CNTN4: variants seen among roughly 807,000 people sequenced by gnomAD.
CNTN4 encodes contactin-4.
A neutral mutation model predicts 122.5 loss-of-function variants in CNTN4; 77 were observed. The ratio of observed to expected loss-of-function variants is 0.63; its 90% CI spans 0.52 to 0.76. The LOEUF (loss-of-function observed/expected upper bound fraction) is 0.76, where lower values mean the gene tolerates loss of function less well. CNTN4 is among the 30% of genes least tolerant of loss of function. The pLI is 0.00. For missense variants in CNTN4, 1,256 were observed against 1,259.1 expected (o/e 1.00, Z 0.04); for synonymous variants, 512 against 447.0 (o/e 1.15, Z -1.83).
intron 2 of CNTN4, among the ~76,000 whole-genome samples, chr3:2,114,731 A>C (rs750057473): frequency 2.0e-5 from 3 of 152,198 alleles, no homozygotes; most frequent in Non-Finnish European, 4.4e-5. Flanking sequence ...AAATTGGGGA[A>C]TATGAGGGAA....
chr3:2,464,002 A>G (rs2075410142), intron 3 of CNTN4, among the ~76,000 whole-genome samples: 1 of 152,080 alleles, frequency 6.6e-6, no homozygotes, highest in Non-Finnish European at 1.5e-5. Flanking sequence ...TTCCTGTCCA[A>G]TCTTCTTTAA....
At chr3:2,889,693 A>G (rs999117870) in intron 10 of CNTN4, among the ~76,000 whole-genome samples, 3 of 152,194 alleles carry the variant, frequency 2.0e-5, no homozygotes, top group African/African-American at 7.2e-5. Flanking sequence ...CTGTTCCTAA[A>G]TGTTATTTGA....
At chr3:2,700,638 A>C (rs982488823) in intron 4 of CNTN4, among the ~76,000 whole-genome samples, 6 of 112,538 alleles carry the variant, frequency 5.3e-5, no homozygotes, top group African/African-American at 2.0e-4. Context: ...ATAGAGTTAA[A>C]ATAAATTCCC....
At chr3:2,774,117 C>T (rs1203031926) in intron 6 of CNTN4, among the ~76,000 whole-genome samples, 7 of 151,704 alleles carry the variant, frequency 4.6e-5, no homozygotes, top group Non-Finnish European at 8.8e-5. Flanking sequence ...TAGATCAGGC[C>T]GGGTGCAGTG....
intron 3 of CNTN4, among the ~76,000 whole-genome samples, chr3:2,446,991 C>T (rs764418625): frequency 6.6e-5 from 10 of 152,108 alleles, no homozygotes; most frequent in Non-Finnish European, 1.0e-4. Flanking sequence ...ACAACATGAA[C>T]GGCAAAGTTG....
At chr3:2,859,098 ACT>A (rs1158273987) in intron 7 of CNTN4, among the ~76,000 whole-genome samples, 1 of 151,784 alleles carries the variant, frequency 6.6e-6, no homozygotes, top group African/African-American at 2.4e-5. Context: ...TCACAATTCT[ACT>A]CTCTGTTTCT....
rs13068151 is a variant in CNTN4 at position 2,840,475 on chromosome 3, C to G, written c.454+20894C>G. Among the ~76,000 whole-genome samples, 1,160 of 145,992 alleles carry G rather than the reference C, an allele frequency of 7.9e-3. 21 individuals are homozygous for G. The highest frequency in any genetic ancestry group is 0.027 in the African/African-American group (1,088 of 40,026). ...CAGCACTTTGGGAGGCCGAGGCGGG[C>G]GGATCACGAGGTCAGGAGATCGAGA... On this transcript the variant is annotated intron_variant, in intron 7 of 24. Transcript: ENST00000418658.
At chr3:2,166,542 A>C (rs2036202919) in intron 2 of CNTN4, among the ~76,000 whole-genome samples, 1 of 133,412 alleles carries the variant, frequency 7.5e-6, no homozygotes. Flanking sequence ...CAATTAAATT[A>C]TTATTGATAA....
intron 2 of CNTN4, among the ~76,000 whole-genome samples, chr3:2,289,794 C>G (rs570186632): frequency 1.3e-5 from 2 of 152,184 alleles, no homozygotes; most frequent in Non-Finnish European, 2.9e-5. Context: ...TTTTATTCCA[C>G]TTACTGCATT....
At chr3:2,192,026 A>T (rs1487159629) in intron 2 of CNTN4, among the ~76,000 whole-genome samples, 1 of 151,838 alleles carries the variant, frequency 6.6e-6, no homozygotes, top group Non-Finnish European at 1.5e-5. Context: ...GATGGTTTCC[A>T]GCTTCATCCA....
chr3:2,758,540 C>A (rs930316943), intron 6 of CNTN4, among the ~76,000 whole-genome samples: 206 of 44,624 alleles, frequency 4.6e-3, no homozygotes, highest in African/African-American at 9.7e-3. Context: ...TTTTTTGAGA[C>A]GGAGTCTCCC....
Position 3,003,707 on chromosome 3 carries a change from A to C in CNTN4, c.1486+15235A>C, listed in dbSNP as rs1019125803. 1.1e-3 allele frequency among the ~76,000 whole-genome samples: 161 copies of C among 150,350 alleles called. 2 individuals are homozygous for C. Among genetic ancestry groups the C allele is most frequent in the South Asian group, 1.9e-3 (9 of 4,738 alleles). ...ACCAAAAAAAAAAAAAAAAAAAAAAAAAAAAAACAAAAAAACCCCACTGAA... is the reference window on the plus strand; with the variant it reads ...ACCAAAAAAAAAAAAAAAAAAAAAACAAAAAAACAAAAAAACCCCACTGAA... On this transcript the variant is annotated intron_variant, in intron 14 of 24. Transcript: ENST00000418658.
rs75344083 is a variant in CNTN4, at chr3:2,479,686, C to T, written c.-88-91730C>T. 4.8e-3 allele frequency among the ~76,000 whole-genome samples: 731 copies of T among 152,292 alleles called. 5 individuals carry two copies. Among genetic ancestry groups the T allele is most frequent in the African/African-American group, 0.017 (693 of 41,568 alleles). ...TCCCTGGGTGTGCCTGTCTATCAGA[C>T]ACCAGATCTTGCAATACTGCCATTA... On this transcript the variant is annotated intron_variant, in intron 3 of 24. Transcript: ENST00000418658.
intron 4 of CNTN4, among the ~76,000 whole-genome samples, chr3:2,646,005 T>C (rs2083101175): frequency 6.6e-6 from 1 of 152,244 alleles, no homozygotes; most frequent in Non-Finnish European, 1.5e-5. Context: ...ATATTATTCT[T>C]TTTGGATTCA....
In CNTN4 at chr3:3,030,913, A is replaced by T; in HGVS notation, c.1721A>T (p.Tyr574Phe). 1 of 1,614,040 alleles carries T rather than the reference A, an allele frequency of 6.2e-7. No individual in the cohort carries two copies. Among genetic ancestry groups the T allele is most frequent in the South Asian group, 1.1e-5 (1 of 91,086 alleles). Residue 574 changes from tyrosine to phenylalanine, a missense_variant, in exon 16 of 25, where the codon TAT becomes TTT. Transcript: ENST00000418658. ...ATCCAACTGAAGCATGCTGGGAAAT[A>T]TGTCTGCATGGTCCAAACAAGTGTG... ...RNIQLKHAGK[Y>F]VCMVQTSVDR...
At chr3:2,528,892 G>A (rs1294347052) in intron 3 of CNTN4, among the ~76,000 whole-genome samples, 1 of 151,902 alleles carries the variant, frequency 6.6e-6, no homozygotes, top group African/African-American at 2.4e-5. Flanking sequence ...AATATATAGT[G>A]ATTAAGTTAG....
intron 2 of CNTN4, among the ~76,000 whole-genome samples, chr3:2,151,248 G>C (rs1325183125): frequency 6.6e-6 from 1 of 152,104 alleles, no homozygotes; most frequent in African/African-American, 2.4e-5. Context: ...TTTTGACTAT[G>C]TGGAAATATG....
intron 2 of CNTN4, among the ~76,000 whole-genome samples, chr3:2,335,861 T>C (rs189706660): frequency 1.3e-5 from 2 of 152,272 alleles, no homozygotes; most frequent in East Asian, 3.9e-4. Flanking sequence ...GTGGAACTTA[T>C]TTTGGCGTAA....
At chr3:2,503,345 A>C (rs532942507) in intron 3 of CNTN4, among the ~76,000 whole-genome samples, 2 of 152,296 alleles carry the variant, frequency 1.3e-5, no homozygotes, top group East Asian at 3.9e-4. Context: ...GGAGATACAC[A>C]GTTGCTCACT....
Sources: gnomAD v4.1 joint callset for allele counts (sites outside exome capture counted in the v4.1 genomes callset) on GRCh38, gnomAD v4.1.1 for gene constraint, MANE v1.5 for transcripts, NCBI Gene and HGNC (gene_info 2026-07-23, HGNC 2026-07-21) for gene names.